The following CNTNAP2 variants were observed in gnomAD, a reference collection of about 807,000 sequenced individuals.
The protein encoded by CNTNAP2 is contactin associated protein 2.
A neutral mutation model predicts 155.2 loss-of-function variants in CNTNAP2; 98 were observed. The ratio of observed to expected loss-of-function variants is 0.63; its 90% CI spans 0.54 to 0.75. The LOEUF (loss-of-function observed/expected upper bound fraction) is 0.75, where lower values mean the gene tolerates loss of function less well. CNTNAP2 is among the 30% of genes least tolerant of loss of function. CNTNAP2 has a pLI of 0.00. For synonymous variants in CNTNAP2, 651 were observed against 631.2 expected (o/e 1.03, Z -0.47); for missense variants, 1,727 against 1,688.1 (o/e 1.02, Z -0.40).
chr7:147,878,468 T>C (rs574454552), intron 13 of CNTNAP2, among the ~76,000 whole-genome samples: 53 of 152,286 alleles, frequency 3.5e-4, no homozygotes, highest in Non-Finnish European at 6.9e-4. Context: ...GTCTTTGTAT[T>C]CCTTGAAAGA....
chr7:147,737,479 C>A (rs1796874226), intron 13 of CNTNAP2, among the ~76,000 whole-genome samples: 1 of 152,164 alleles, frequency 6.6e-6, no homozygotes, highest in Admixed American at 6.5e-5. Flanking sequence ...CAGGGACCCA[C>A]TTGAGGCAGT....
chr7:147,895,468 A>C (rs1563127018), intron 13 of CNTNAP2, among the ~76,000 whole-genome samples: 1 of 152,152 alleles, frequency 6.6e-6, no homozygotes, highest in Non-Finnish European at 1.5e-5. Context: ...AATATGCCTT[A>C]CTTTGATAAT....
chr7:147,439,381 G>T (rs1797602490), intron 10 of CNTNAP2, among the ~76,000 whole-genome samples: 1 of 151,788 alleles, frequency 6.6e-6, no homozygotes, highest in Non-Finnish European at 1.5e-5. Flanking sequence ...CCATGCATTT[G>T]TATAGTTTCC....
At position 146,613,876 on chromosome 7, in the gene CNTNAP2, A is replaced by C. The variant is rs1445263624; in HGVS notation, c.98-160395A>C. ...TCTGTTGAGTGATTTCTATACCTCT[A>C]AACTACGTGTTCCAAGAAACAAGTA... On this transcript the variant is annotated intron_variant, in intron 1 of 23. Transcript: ENST00000361727. 2.0e-5 allele frequency among the ~76,000 whole-genome samples: 3 copies of C among 152,206 alleles called. No individual in the cohort carries two copies. In the East Asian group the frequency reaches 5.8e-4, roughly 29 times the overall value.
Position 148,301,306 on chromosome 7 carries a change from A to AAAAAAAAAAT in CNTNAP2, c.3475+34181_3475+34182insAAAAAAAATA. Among the ~76,000 whole-genome samples the AAAAAAAAAAT allele has an allele frequency of 1.8e-3, 187 of 103,838 alleles. 2 individuals carry two copies. The highest frequency in any genetic ancestry group is 6.4e-3 in the African/African-American group (170 of 26,560). The allele number at this position is 103,838 out of a possible 152,430, so 68.1% of individuals were successfully genotyped here. ...GAGACTCCGTCTAAAAAAAAAAAAA[A>AAAAAAAAAAT]ATATATATATATATATAGGTTAAAA... On this transcript the variant is annotated intron_variant, in intron 21 of 23. Coordinates refer to ENST00000361727, the MANE Select transcript of CNTNAP2 (RefSeq NM_014141.6).
intron 21 of CNTNAP2, among the ~76,000 whole-genome samples, chr7:148,309,623 G>A (rs188545503): frequency 1.2e-4 from 18 of 152,078 alleles, no homozygotes; most frequent in Non-Finnish European, 4.4e-5. Context: ...GGGTCACAGG[G>A]TGCTCAGTAG....
At chr7:147,219,271 A>G (rs565286746) in intron 8 of CNTNAP2, among the ~76,000 whole-genome samples, 120 of 152,306 alleles carry the variant, frequency 7.9e-4, no homozygotes, top group African/African-American at 2.1e-3. Context: ...CAGGATCACA[A>G]GGTGAGGTCC....
chr7:146,285,976 CTCTG>C (rs1800329087), intron 1 of CNTNAP2, among the ~76,000 whole-genome samples: 3 of 50,274 alleles, frequency 6.0e-5, no homozygotes, highest in Admixed American at 2.2e-4. Context: ...TTCCTTCCTT[CTCTG>C]TGTGTGTGTG....
chr7:147,225,748 AAG>A (rs1803507890), intron 8 of CNTNAP2, among the ~76,000 whole-genome samples: 2 of 30,974 alleles, frequency 6.5e-5, no homozygotes, highest in Non-Finnish European at 7.2e-5. Context: ...GGAAAGAAGG[AAG>A]GAAGGAAGGA....
At chr7:146,535,318 A>C (rs1414827290) in intron 1 of CNTNAP2, among the ~76,000 whole-genome samples, 2 of 63,074 alleles carry the variant, frequency 3.2e-5, no homozygotes, top group Non-Finnish European at 4.8e-5. Flanking sequence ...ATTATATCAT[A>C]TATATTATAT....
chr7:146,219,270 G>A (rs6964497), intron 1 of CNTNAP2, among the ~76,000 whole-genome samples: 4,584 of 152,254 alleles, frequency 0.03, 231 homozygotes, highest in African/African-American at 0.11. Context: ...TGGAGACATA[G>A]CCAAACCATA....
At chr7:147,842,587 C>CTTTTTT (rs3055146) in intron 13 of CNTNAP2, among the ~76,000 whole-genome samples, 86 of 84,372 alleles carry the variant, frequency 1.0e-3, no homozygotes, top group Middle Eastern at 0.01. Context: ...TTTTACTTTT[C>CTTTTTT]TTTTTTTTTT....
intron 1 of CNTNAP2, among the ~76,000 whole-genome samples, chr7:146,440,948 G>A (rs1796311853): frequency 6.6e-6 from 1 of 151,424 alleles, no homozygotes; most frequent in Non-Finnish European, 1.5e-5. Context: ...TTGTACATTT[G>A]GAATGTCACA....
At chr7:148,331,008 A>C (rs1270578436) in intron 21 of CNTNAP2, among the ~76,000 whole-genome samples, 1 of 147,426 alleles carries the variant, frequency 6.8e-6, no homozygotes, top group Non-Finnish European at 1.5e-5. Flanking sequence ...GAATGAATGG[A>C]TGGAATGGAC....
intron 1 of CNTNAP2, among the ~76,000 whole-genome samples, chr7:146,318,728 G>A (rs568103826): frequency 1.0e-3 from 155 of 152,188 alleles, no homozygotes; most frequent in African/African-American, 2.0e-3. Context: ...TGGAGTAATG[G>A]TGAAGCCGGT....
At chr7:146,157,101 A>T (rs915236070) in intron 1 of CNTNAP2, among the ~76,000 whole-genome samples, 1 of 152,220 alleles carries the variant, frequency 6.6e-6, no homozygotes, top group African/African-American at 2.4e-5. Context: ...AATCTAACTT[A>T]GGTTAAAATA....
chr7:146,650,356 A>G (rs887248603), intron 1 of CNTNAP2, among the ~76,000 whole-genome samples: 1 of 152,174 alleles, frequency 6.6e-6, no homozygotes, highest in African/African-American at 2.4e-5. Flanking sequence ...ATGGAATACT[A>G]TACAGCCATA....
At position 147,887,398 on chromosome 7, in the gene CNTNAP2, G is replaced by A. The variant is rs1799619984; in HGVS notation, c.2099-16167G>A. Among the ~76,000 whole-genome samples, 5 of 152,202 alleles carry A rather than the reference G, an allele frequency of 3.3e-5. No homozygotes were observed. The South Asian group carries it at 1.0e-3, about 31-fold the overall frequency. ...ATGCAGGAGAATTGCTTGGACCCAG[G>A]AGGTGGAGATTGCAGTGAGCTGAGA... On this transcript the variant is annotated intron_variant, in intron 13 of 23. Transcript: ENST00000361727.
intron 19 of CNTNAP2, among the ~76,000 whole-genome samples, 164 bp from the exon 20 acceptor site, chr7:148,229,482 A>G (rs982363244): frequency 2.0e-5 from 3 of 152,020 alleles, no homozygotes; most frequent in East Asian, 3.9e-4. Flanking sequence ...CCAAGATCGC[A>G]CCATTGCACT....
Sources: gnomAD v4.1 joint callset for allele counts (sites outside exome capture counted in the v4.1 genomes callset) on GRCh38, gnomAD v4.1.1 for gene constraint, MANE v1.5 for transcripts, NCBI Gene and HGNC (gene_info 2026-07-23, HGNC 2026-07-21) for gene names.